RANBP10: variants seen among roughly 807,000 people sequenced by gnomAD.
RANBP10 encodes ran-binding protein 10.
In RANBP10, 24 loss-of-function variants were observed where a neutral mutation model predicts 72.8. That is an observed-to-expected ratio of 0.33 (90% CI 0.24 to 0.46). The LOEUF (loss-of-function observed/expected upper bound fraction) is 0.46, where lower values mean the gene tolerates loss of function less well. Ranked by LOEUF, RANBP10 falls within the 20% of genes least tolerant of loss-of-function variation. The pLI is 1.00. For missense variants in RANBP10, 679 were observed against 817.5 expected, an observed-to-expected ratio of 0.83 and a Z score of 2.07; for synonymous variants, 310 against 322.3, an observed-to-expected ratio of 0.96 and a Z score of 0.41.
At position 67,727,822 on chromosome 16, in the gene RANBP10, C is replaced by T. The variant is rs779136526; in HGVS notation, c.1549G>A (p.Glu517Lys). Reference protein sequence around the residue: ...ATERIILFGRELQALSEQLGR... With the variant: ...ATERIILFGRKLQALSEQLGR... ...AACTGCTCACTCAATGCCTGCAACT[C>T]GCGGCCAAACAGAATGATCCTTTCT... The change falls in exon 12 of 14, where the codon GAG (glutamate) becomes AAG (lysine). Residue 517 changes from glutamate (E) to lysine (K), a missense_variant. Coordinates refer to ENST00000317506, the MANE Select transcript of RANBP10 (RefSeq NM_020850.3). The T allele has an allele frequency of 5.0e-6, 8 of 1,614,206 alleles. No individual in the cohort carries two copies. Among genetic ancestry groups the T allele is most frequent in the South Asian group, 3.3e-5 (3 of 91,084 alleles).
intron 3 of RANBP10, among the ~76,000 whole-genome samples, chr16:67,756,980 G>A (rs1157046353): frequency 6.6e-6 from 1 of 152,168 alleles, no homozygotes; most frequent in East Asian, 1.9e-4. Context: ...CGAGGTGGGC[G>A]GATCACCTGA....
At chr16:67,804,944 T>C (rs1567721174) in intron 2 of RANBP10, among the ~76,000 whole-genome samples, 2 of 152,186 alleles carry the variant, frequency 1.3e-5, no homozygotes, top group South Asian at 2.1e-4. Flanking sequence ...TGATCATGTG[T>C]ATGCTGTTTA....
chr16:67,783,846 A>T (rs1277175290), intron 2 of RANBP10, among the ~76,000 whole-genome samples: 1 of 152,024 alleles, frequency 6.6e-6, no homozygotes, highest in Non-Finnish European at 1.5e-5. Flanking sequence ...GTTCAAGACC[A>T]GCCTAGCCAA....
intron 4 of RANBP10, among the ~76,000 whole-genome samples, chr16:67,742,966 T>C (rs76261935): frequency 0.039 from 6,000 of 152,096 alleles, 331 homozygotes; most frequent in African/African-American, 0.13. Flanking sequence ...CAGAGGAGGG[T>C]TTCTCTGATG....
chr16:67,804,990 C>T (rs1215424787), intron 2 of RANBP10, among the ~76,000 whole-genome samples: 1 of 152,180 alleles, frequency 6.6e-6, no homozygotes, highest in East Asian at 1.9e-4. Context: ...CAGAAGCTTT[C>T]ATGAATGCTG....
rs374015779 is a variant in RANBP10 at position 67,727,825 on chromosome 16, G to A, written c.1546C>T (p.Arg516Cys). ...TGCTCACTCAATGCCTGCAACTCGC[G>A]GCCAAACAGAATGATCCTTTCTGTG... The part of the protein sequence containing the change: ...AATERIILFG[R>C]ELQALSEQLG... Residue 516 changes from arginine (R) to cysteine (C), a missense_variant, in exon 12 of 14, where the codon CGC becomes TGC. Physicochemically the swap from Arg to Cys is radical, Grantham distance 180. Coordinates refer to ENST00000317506, the MANE Select transcript of RANBP10 (RefSeq NM_020850.3). 9 of 1,614,158 alleles carry A rather than the reference G, an allele frequency of 5.6e-6. No individual in the cohort carries two copies. The highest frequency in any genetic ancestry group is 1.7e-5 in the Admixed American group (1 of 60,014).
At chr16:67,751,262 T>G (rs2054190194) in intron 3 of RANBP10, among the ~76,000 whole-genome samples, 1 of 152,230 alleles carries the variant, frequency 6.6e-6, no homozygotes, top group East Asian at 1.9e-4. Context: ...ATGCTTAAAT[T>G]TTCAAAGACC....
intron 3 of RANBP10, among the ~76,000 whole-genome samples, chr16:67,754,094 C>T (rs963848280): frequency 2.0e-5 from 3 of 148,596 alleles, no homozygotes; most frequent in East Asian, 4.0e-4. Flanking sequence ...GATCGCACCA[C>T]TGCACTCCAG....
intron 13 of RANBP10, 104 bp from the exon 14 acceptor site, chr16:67,726,662 G>A: frequency 7.4e-7 from 1 of 1,344,218 alleles, no homozygotes. Context: ...AGATTCTCTT[G>A]GAACAGAGTG....
chr16:67,765,981 G>A (rs1421130897), intron 3 of RANBP10, among the ~76,000 whole-genome samples: 1 of 152,170 alleles, frequency 6.6e-6, no homozygotes, highest in Non-Finnish European at 1.5e-5. Flanking sequence ...CACTGCACTA[G>A]TCTGGGAGAC....
rs181644901 is a variant in RANBP10 at position 67,782,694 on chromosome 16, C to A, written c.348-10608G>T. The stretch of plus-strand genomic sequence containing the variant: ...TGGTCAACTCCTGACCTCATGTAAT[C>A]CGCCCAGCTCGGCTTCCCAAAGTGC... On this transcript the variant is annotated intron_variant, in intron 2 of 13. Coordinates refer to ENST00000317506, the MANE Select transcript of RANBP10 (RefSeq NM_020850.3). Among the ~76,000 whole-genome samples, 12 of 151,948 alleles carry A rather than the reference C, an allele frequency of 7.9e-5. No homozygotes were observed. The East Asian group carries it at 2.3e-3, about 30-fold the overall frequency.
intron 2 of RANBP10, among the ~76,000 whole-genome samples, chr16:67,774,565 G>A (rs931021619): frequency 3.9e-5 from 6 of 152,056 alleles, no homozygotes; most frequent in Admixed American, 1.3e-4. Context: ...CCCCTGCCTC[G>A]ACTTGAGAAT....
At chr16:67,801,912 T>C (rs538141489) in intron 2 of RANBP10, among the ~76,000 whole-genome samples, 2 of 151,882 alleles carry the variant, frequency 1.3e-5, no homozygotes, top group East Asian at 1.9e-4. Flanking sequence ...CTAGGAAACA[T>C]TGTGAGACCC....
intron 3 of RANBP10, among the ~76,000 whole-genome samples, chr16:67,750,479 C>T (rs1282242732): frequency 6.6e-6 from 1 of 152,162 alleles, no homozygotes; most frequent in East Asian, 1.9e-4. Flanking sequence ...TCACTGTTCC[C>T]GGGACTGTCC....
intron 11 of RANBP10, 50 bp from the exon 12 acceptor site, chr16:67,727,946 G>C: frequency 6.2e-7 from 1 of 1,600,940 alleles, no homozygotes; most frequent in Non-Finnish European, 8.5e-7. Context: ...GAAGAGGGAA[G>C]GGCAGGACTA....
intron 3 of RANBP10, among the ~76,000 whole-genome samples, chr16:67,764,610 C>T (rs1043349109): frequency 6.6e-6 from 1 of 152,194 alleles, no homozygotes; most frequent in African/African-American, 2.4e-5. Context: ...AATCACCTCC[C>T]ATAGGGCTTG....
intron 1 of RANBP10, 86 bp from the exon 2 acceptor site, chr16:67,805,625 C>T (rs1371207784): frequency 1.9e-6 from 2 of 1,069,996 alleles, no homozygotes; most frequent in African/African-American, 1.6e-5. Context: ...TCCATGACAA[C>T]TCCACTCCTC....
At chr16:67,747,756 C>G (rs575305613) in intron 3 of RANBP10, among the ~76,000 whole-genome samples, 1 of 151,838 alleles carries the variant, frequency 6.6e-6, no homozygotes, top group South Asian at 2.1e-4. Context: ...CCACCCGCCT[C>G]GGCCTCCCAA....
At chr16:67,737,827 CT>C (rs1474744720) in intron 5 of RANBP10, among the ~76,000 whole-genome samples, 185 bp downstream of exon 5, 1 of 152,144 alleles carries the variant, frequency 6.6e-6, no homozygotes, top group Non-Finnish European at 1.5e-5. Flanking sequence ...AAGACCAGAC[CT>C]TACTGCTGGA....
Sources: gnomAD v4.1 joint callset for allele counts (sites outside exome capture counted in the v4.1 genomes callset) on GRCh38, gnomAD v4.1.1 for gene constraint, MANE v1.5 for transcripts, NCBI Gene and HGNC (gene_info 2026-07-23, HGNC 2026-07-21) for gene names.